MANBA: variants seen among roughly 807,000 people sequenced by gnomAD.
MANBA encodes the protein mannosidase beta.
Under a neutral mutation model 111.1 loss-of-function variants are expected in MANBA, and 83 were observed. That is an observed-to-expected ratio of 0.75 (90% CI 0.63 to 0.90). MANBA has a LOEUF of 0.90. Among genes scored for constraint, MANBA ranks in the 40% least tolerant of loss-of-function variants. The pLI is 0.00. For missense variants in MANBA, 1,036 were observed against 1,069.0 expected (o/e 0.97, Z 0.43); for synonymous variants, 370 against 378.7 (o/e 0.98, Z 0.27).
chr4:102,748,213 A>G (rs533876866), intron 1 of MANBA, among the ~76,000 whole-genome samples: 1 of 152,286 alleles, frequency 6.6e-6, no homozygotes, highest in South Asian at 2.1e-4. Context: ...ACATCTCTGT[A>G]CACCTGTTTT....
At chr4:102,670,011 C>T (rs949750291) in intron 9 of MANBA, among the ~76,000 whole-genome samples, 11 of 151,696 alleles carry the variant, frequency 7.3e-5, no homozygotes, top group Middle Eastern at 3.2e-3. Context: ...AAAAATTAGC[C>T]GGGCGTGGTG....
At chr4:102,733,771 T>C (rs1187934699) in intron 1 of MANBA, among the ~76,000 whole-genome samples, 1 of 152,254 alleles carries the variant, frequency 6.6e-6, no homozygotes, top group Non-Finnish European at 1.5e-5. Flanking sequence ...AACCCACTAT[T>C]CTTCCATGGC....
chr4:102,744,951 T>G (rs1399219279), intron 1 of MANBA, among the ~76,000 whole-genome samples: 1 of 152,184 alleles, frequency 6.6e-6, no homozygotes, highest in East Asian at 1.9e-4. Flanking sequence ...GGGGTTTGGC[T>G]ACCTGCTACG....
At chr4:102,639,571 C>G in intron 14 of MANBA, 142 bp downstream of exon 14, 1 of 1,137,504 alleles carries the variant, frequency 8.8e-7, no homozygotes, top group Non-Finnish European at 1.3e-6. Context: ...GCTGTAGTTC[C>G]TAGGCAGGCT....
In MANBA at chr4:102,714,562, C is replaced by T. The variant is rs760404534; in HGVS notation, c.550-1G>A. The T allele has an allele frequency of 9.3e-6, 15 of 1,607,490 alleles. No homozygotes were observed. Among genetic ancestry groups the T allele is most frequent in the Admixed American group, 6.7e-5 (4 of 59,950 alleles). The stretch of plus-strand genomic sequence containing the variant: ...AGTCCCAACTAAAGGAACATTGCTC[C>T]TGCAATTTCAAGGAGAAAAAGAAGA... On this transcript the variant is annotated splice_acceptor_variant, in intron 4 of 16. Coordinates refer to ENST00000647097, the MANE Select transcript of MANBA (RefSeq NM_005908.4). LOFTEE classifies it high-confidence loss of function.
chr4:102,640,484 A>C (rs1729832316), intron 13 of MANBA, among the ~76,000 whole-genome samples: 2 of 152,226 alleles, frequency 1.3e-5, no homozygotes, highest in African/African-American at 2.4e-5. Context: ...AGAGACACTA[A>C]AGAACTTCAC....
chr4:102,654,315 A>C (rs1730464400), intron 12 of MANBA, among the ~76,000 whole-genome samples: 1 of 152,080 alleles, frequency 6.6e-6, no homozygotes. Context: ...CAATTAAAAA[A>C]CGGGGTATGG....
At chr4:102,670,732 G>C (rs1259547206) in intron 9 of MANBA, among the ~76,000 whole-genome samples, 1 of 151,894 alleles carries the variant, frequency 6.6e-6, no homozygotes, top group Non-Finnish European at 1.5e-5. Flanking sequence ...ACAAAATTTA[G>C]CACATGCCTG....
At chr4:102,647,597 A>T (rs906492631) in intron 13 of MANBA, among the ~76,000 whole-genome samples, 2 of 152,056 alleles carry the variant, frequency 1.3e-5, no homozygotes, top group African/African-American at 4.8e-5. Context: ...AGCCTATTTT[A>T]TATGTCAGAA....
At chr4:102,671,507 G>T (rs1045480248) in intron 8 of MANBA, 109 bp from the exon 9 acceptor site, 6 of 716,130 alleles carry the variant, frequency 8.4e-6, no homozygotes, top group Non-Finnish European at 1.3e-5. Context: ...AATCATGATG[G>T]TTTGGTTACA....
rs76127909 is a variant in MANBA, at chr4:102,633,418, T to G, written c.2416-1137A>C. ...GCTTATGCTGGTTATCTTCGTTGGA[T>G]TGGAAATCTCCTCTCTGTATGTCTG... is the stretch of plus-strand genomic sequence containing the variant. On this transcript the variant is annotated intron_variant, in intron 16 of 16. Coordinates refer to ENST00000647097, the MANE Select transcript of MANBA (RefSeq NM_005908.4). 2.9e-3 allele frequency: 1,164 copies of G among 398,624 alleles called. 11 individuals carry two copies. Among genetic ancestry groups the G allele is most frequent in the African/African-American group, 0.021 (1,041 of 48,730 alleles). 24.7% of individuals were successfully genotyped at this position (398,624 alleles called of 1,614,324 possible). A position where few individuals can be genotyped will look rare whatever the true frequency, so the allele number is the denominator to read the frequency against.
At chr4:102,684,997 A>G (rs1335423825) in intron 7 of MANBA, among the ~76,000 whole-genome samples, 1 of 152,176 alleles carries the variant, frequency 6.6e-6, no homozygotes, top group Non-Finnish European at 1.5e-5. Context: ...AATGTCAAAA[A>G]CATAATGCTG....
chr4:102,695,298 T>A (rs1732658113), intron 5 of MANBA, among the ~76,000 whole-genome samples: 1 of 152,040 alleles, frequency 6.6e-6, no homozygotes, highest in Non-Finnish European at 1.5e-5. Flanking sequence ...CTTTATTCAA[T>A]TGTCTAGGAG....
At chr4:102,673,003 T>C (rs1404675728) in intron 8 of MANBA, among the ~76,000 whole-genome samples, 1 of 150,600 alleles carries the variant, frequency 6.6e-6, no homozygotes, top group Non-Finnish European at 1.5e-5. Flanking sequence ...ATGAATCCTA[T>C]AAATAGCACA....
intron 11 of MANBA, among the ~76,000 whole-genome samples, chr4:102,659,225 G>A (rs988224955): frequency 6.6e-6 from 1 of 152,128 alleles, no homozygotes; most frequent in African/African-American, 2.4e-5. Context: ...ATTTAGTGCT[G>A]AAACCAGATA....
chr4:102,677,033 A>C (rs974242376), intron 7 of MANBA, among the ~76,000 whole-genome samples: 2 of 152,260 alleles, frequency 1.3e-5, no homozygotes, highest in Non-Finnish European at 2.9e-5. Flanking sequence ...TTATGAAATG[A>C]GCAATATCCA....
At chr4:102,683,809 T>G (rs1045854321) in intron 7 of MANBA, among the ~76,000 whole-genome samples, 4 of 152,378 alleles carry the variant, frequency 2.6e-5, no homozygotes, top group Admixed American at 2.0e-4. Context: ...TCCCAACATT[T>G]ATTTTTTATT....
At chr4:102,648,676 A>G (rs1730203712) in intron 13 of MANBA, among the ~76,000 whole-genome samples, 1 of 152,146 alleles carries the variant, frequency 6.6e-6, no homozygotes, top group Non-Finnish European at 1.5e-5. Context: ...ACCACTCTAT[A>G]AATATCACTT....
chr4:102,733,413 G>A (rs111685510), intron 1 of MANBA, among the ~76,000 whole-genome samples: 2,880 of 151,610 alleles, frequency 0.019, 49 homozygotes, highest in African/African-American at 0.047. Context: ...GAGTGCAGTG[G>A]CACAACCATG....
Sources: gnomAD v4.1 joint callset for allele counts (sites outside exome capture counted in the v4.1 genomes callset) on GRCh38, gnomAD v4.1.1 for gene constraint, MANE v1.5 for transcripts, NCBI Gene and HGNC (gene_info 2026-07-23, HGNC 2026-07-21) for gene names.